Variants in CTNNA2 observed in about 807,000 individuals in gnomAD.
CTNNA2 encodes the protein catenin alpha 2.
CTNNA2 carries 42 observed loss-of-function variants against 101.0 expected under a neutral mutation model. The observed-to-expected ratio is 0.42, with a 90% CI of 0.32 to 0.54. The LOEUF (loss-of-function observed/expected upper bound fraction) is 0.54. CTNNA2 is among the 20% of genes least tolerant of loss of function. CTNNA2 has a pLI of 0.14. For synonymous variants in CTNNA2, 450 were observed against 456.4 expected, an observed-to-expected ratio of 0.99 and a Z score of 0.18; for missense variants, 871 against 1,223.1, an observed-to-expected ratio of 0.71 and a Z score of 4.29.
chr2:80,106,796 G>T (rs771158630), intron 7 of CTNNA2, among the ~76,000 whole-genome samples: 2 of 152,110 alleles, frequency 1.3e-5, no homozygotes, highest in Non-Finnish European at 1.5e-5. Flanking sequence ...CAGGAGAGGC[G>T]CCTGGCGTAA....
intron 4 of CTNNA2, among the ~76,000 whole-genome samples, chr2:79,471,938 T>C (rs1671003713): frequency 6.6e-6 from 1 of 152,172 alleles, no homozygotes; most frequent in Non-Finnish European, 1.5e-5. Context: ...TCTTCTTACA[T>C]GCAAAATACA....
intron 9 of CTNNA2, among the ~76,000 whole-genome samples, chr2:80,537,153 C>T (rs1208017574): frequency 6.6e-6 from 1 of 152,064 alleles, no homozygotes; most frequent in Non-Finnish European, 1.5e-5. Flanking sequence ...TCAACTCCCA[C>T]TTATGAGTGA....
intron 7 of CTNNA2, among the ~76,000 whole-genome samples, chr2:80,234,403 C>A (rs533814838): frequency 1.3e-5 from 2 of 152,182 alleles, no homozygotes; most frequent in Non-Finnish European, 2.9e-5. Context: ...CACCCTAACA[C>A]CTCTAATTCT....
At chr2:79,430,212 AG>A (rs1438106362) in intron 4 of CTNNA2, among the ~76,000 whole-genome samples, 4 of 151,802 alleles carry the variant, frequency 2.6e-5, no homozygotes, top group African/African-American at 9.7e-5. Context: ...TACACCAAAA[AG>A]GCTGTAATTC....
At chr2:80,180,591 G>T (rs757618913) in intron 7 of CTNNA2, among the ~76,000 whole-genome samples, 9 of 152,188 alleles carry the variant, frequency 5.9e-5, no homozygotes, top group African/African-American at 1.2e-4. Flanking sequence ...GTAGTTGAGT[G>T]ACTGCGGTTC....
intron 2 of CTNNA2, among the ~76,000 whole-genome samples, chr2:79,311,252 AC>A (rs1676361862): frequency 6.6e-6 from 1 of 151,996 alleles, no homozygotes; most frequent in Admixed American, 6.5e-5. Flanking sequence ...TACTAAAAAT[AC>A]AAAAAATTAG....
chr2:79,788,298 A>G (rs1227093957), intron 3 of CTNNA2, among the ~76,000 whole-genome samples: 1 of 152,244 alleles, frequency 6.6e-6, no homozygotes, highest in Non-Finnish European at 1.5e-5. Context: ...TGGCAATGGA[A>G]TTGGAGTGCA....
intron 6 of CTNNA2, among the ~76,000 whole-genome samples, chr2:79,878,955 T>TTTTACA (rs1324708632): frequency 1.3e-5 from 2 of 152,202 alleles, no homozygotes; most frequent in Non-Finnish European, 2.9e-5. Flanking sequence ...TGGTTTTGGG[T>TTTTACA]TTTACATTTA....
At chr2:80,569,300 T>C (rs1338555336) in intron 12 of CTNNA2, among the ~76,000 whole-genome samples, 1 of 152,182 alleles carries the variant, frequency 6.6e-6, no homozygotes, top group African/African-American at 2.4e-5. Flanking sequence ...ATCATCGTTT[T>C]GTGGCCTAGT....
chr2:80,640,332 T>TG (rs1238951848), intron 18 of CTNNA2, among the ~76,000 whole-genome samples: 2 of 152,150 alleles, frequency 1.3e-5, no homozygotes, highest in Non-Finnish European at 2.9e-5. Context: ...GGTGCCTGAG[T>TG]GATTAATAAT....
intron 7 of CTNNA2, among the ~76,000 whole-genome samples, chr2:79,933,458 CTT>C (rs371498775): frequency 1.4e-3 from 207 of 143,680 alleles, no homozygotes; most frequent in African/African-American, 4.2e-3. Flanking sequence ...CTGGTATTCT[CTT>C]TTTTTTTTTT....
chr2:79,501,312 C>CCCT (rs1461122300), intron 4 of CTNNA2, among the ~76,000 whole-genome samples: 1 of 152,134 alleles, frequency 6.6e-6, no homozygotes, highest in Non-Finnish European at 1.5e-5. Flanking sequence ...TGGAGTCTTG[C>CCCT]CCTATCACTC....
intron 3 of CTNNA2, among the ~76,000 whole-genome samples, chr2:79,832,349 A>C (rs1445720699): frequency 1.3e-5 from 2 of 152,178 alleles, no homozygotes; most frequent in East Asian, 3.9e-4. Context: ...AGCATTTACT[A>C]ATCCTGTGCT....
At chr2:79,548,264 T>A (rs1195793109) in intron 1 of CTNNA2, 2 of 152,218 alleles carry the variant, frequency 1.3e-5, no homozygotes, top group African/African-American at 4.8e-5. Context: ...AGATACAGTG[T>A]CCCCAGTATT....
At chr2:80,556,490 C>T (rs1197091505) in intron 12 of CTNNA2, among the ~76,000 whole-genome samples, 2 of 152,074 alleles carry the variant, frequency 1.3e-5, no homozygotes, top group East Asian at 3.9e-4. Flanking sequence ...TTTACATGCC[C>T]TTCTTCAGGG....
intron 3 of CTNNA2, among the ~76,000 whole-genome samples, chr2:79,761,218 T>A (rs72931261): frequency 0.04 from 6,126 of 152,274 alleles, 400 homozygotes; most frequent in African/African-American, 0.13. Flanking sequence ...GCCACGTCTA[T>A]GTTTTAGGTT....
intron 3 of CTNNA2, among the ~76,000 whole-genome samples, chr2:79,757,669 G>C (rs1353564685): frequency 6.6e-6 from 1 of 152,150 alleles, no homozygotes; most frequent in African/African-American, 2.4e-5. Flanking sequence ...GTGCAAACCT[G>C]TCCACCCGAG....
rs750017419 is a variant in CTNNA2, at chr2:80,545,011, C to T, written c.1320C>T (p.Asn440=). Residue 440 remains asparagine (N), a synonymous_variant, in exon 10 of 19, where the codon AAC becomes AAT. Transcript: ENST00000402739. Reference sequence around the variant, plus strand: ...CCAATTTGGCCTGTTCCATCTCCAACAATGAAGAAGGGGTGAAATTAGTTC... The same window carrying T: ...CCAATTTGGCCTGTTCCATCTCCAATAATGAAGAAGGGGTGAAATTAGTTC... ...EVANLACSIS[N]NEEGVKLVRM... The T allele has an allele frequency of 6.2e-7, 1 of 1,614,096 alleles. No homozygotes were observed. Among genetic ancestry groups the T allele is most frequent in the East Asian group, 2.2e-5 (1 of 44,852 alleles).
Position 79,865,164 on chromosome 2 carries a change from G to A in CTNNA2, c.466-4652G>A, listed in dbSNP as rs79232383. Among the ~76,000 whole-genome samples the A allele has an allele frequency of 5.0e-3, 763 of 152,226 alleles. 8 individuals carry two copies. Among genetic ancestry groups the A allele is most frequent in the African/African-American group, 0.017 (723 of 41,540 alleles). On this transcript the variant is annotated intron_variant, in intron 4 of 18. Coordinates refer to ENST00000402739, the MANE Select transcript of CTNNA2 (RefSeq NM_001282597.3). Reference sequence around the variant, plus strand: ...CATGTAATCATTCTTTGCTTCTGATGAAATCATTTTTTTCTTCCCTTGTTG... The same window carrying A: ...CATGTAATCATTCTTTGCTTCTGATAAAATCATTTTTTTCTTCCCTTGTTG...
Sources: gnomAD v4.1 joint callset for allele counts (sites outside exome capture counted in the v4.1 genomes callset) on GRCh38, gnomAD v4.1.1 for gene constraint, MANE v1.5 for transcripts, NCBI Gene and HGNC (gene_info 2026-07-23, HGNC 2026-07-21) for gene names.